The following AP3S1 variants were observed in gnomAD, a reference collection of about 807,000 sequenced individuals.
The protein encoded by AP3S1 is adaptor related protein complex 3 subunit sigma 1, also known as AP-3 complex subunit sigma-1.
In AP3S1, 12 loss-of-function variants were observed where a neutral mutation model predicts 21.3. The ratio of observed to expected loss-of-function variants is 0.56; its 90% CI spans 0.36 to 0.91. The LOEUF (loss-of-function observed/expected upper bound fraction) is 0.91. Among genes scored for constraint, AP3S1 ranks in the 40% least tolerant of loss-of-function variants. The pLI is 0.01. For synonymous variants in AP3S1, 48 were observed against 78.4 expected (o/e 0.61, Z 2.05); for missense variants, 116 against 225.0 (o/e 0.52, Z 3.10).
chr5:115,908,764 A>G (rs1231256808), intron 5 of AP3S1, among the ~76,000 whole-genome samples: 1 of 152,186 alleles, frequency 6.6e-6, no homozygotes, highest in Admixed American at 6.6e-5. Flanking sequence ...TTATAATTGC[A>G]GTATTAAAGC....
intron 3 of AP3S1, among the ~76,000 whole-genome samples, chr5:115,871,566 CT>C (rs1294469478): frequency 6.6e-6 from 1 of 152,010 alleles, no homozygotes; most frequent in Non-Finnish European, 1.5e-5. Context: ...TTTTTTCACT[CT>C]GATTTTACTG....
chr5:115,858,903 C>T (rs1762976313), intron 1 of AP3S1, among the ~76,000 whole-genome samples: 1 of 149,180 alleles, frequency 6.7e-6, no homozygotes, highest in Admixed American at 6.7e-5. Context: ...GCTTTTTCCC[C>T]TATTTTATGT....
chr5:115,909,912 C>T (rs1259029686), intron 5 of AP3S1, among the ~76,000 whole-genome samples: 2 of 151,996 alleles, frequency 1.3e-5, no homozygotes, highest in African/African-American at 2.4e-5. Flanking sequence ...AAAATAGGCA[C>T]GGTAAGAGAT....
chr5:115,880,810 T>C (rs1749211023), intron 3 of AP3S1, among the ~76,000 whole-genome samples: 1 of 152,132 alleles, frequency 6.6e-6, no homozygotes, highest in South Asian at 2.1e-4. Flanking sequence ...TGTTAAACTC[T>C]CCCACTATTA....
chr5:115,843,285 C>G (rs1761785213), intron 1 of AP3S1, among the ~76,000 whole-genome samples: 1 of 152,230 alleles, frequency 6.6e-6, no homozygotes, highest in African/African-American at 2.4e-5. Context: ...GGAAATCAAT[C>G]TTGCCATTAC....
chr5:115,900,260 A>G (rs532575768), intron 4 of AP3S1, among the ~76,000 whole-genome samples: 18 of 152,322 alleles, frequency 1.2e-4, no homozygotes, highest in African/African-American at 4.3e-4. Context: ...ACCAAAAAAG[A>G]TCATTTAAGT....
chr5:115,895,080 T>C lies in AP3S1; in HGVS notation c.274-7T>C, dbSNP rs576994242. ...CAGTTCTTAAAACCTTTTTTCTTTT[T>C]CCATAGGTATTTGTGGAAACATTAG... On this transcript the variant is annotated splice_polypyrimidine_tract_variant and splice_region_variant and intron_variant, in intron 3 of 5. Transcript: ENST00000316788. 1.3e-6 allele frequency: 2 copies of C among 1,587,928 alleles called. No individual in the cohort carries two copies. The highest frequency in any genetic ancestry group is 4.5e-5 in the East Asian group (2 of 44,332).
chr5:115,907,287 A>C (rs1468886739), intron 5 of AP3S1, among the ~76,000 whole-genome samples: 1 of 152,174 alleles, frequency 6.6e-6, no homozygotes, highest in Non-Finnish European at 1.5e-5. Context: ...TCTAACATAA[A>C]ATTGCCTGCT....
intron 5 of AP3S1, among the ~76,000 whole-genome samples, chr5:115,907,601 TG>T (rs1329792754): frequency 9.0e-4 from 137 of 152,286 alleles, no homozygotes; most frequent in African/African-American, 3.2e-3. Context: ...GGGTTTTCAT[TG>T]TAGCAAACCT....
At chr5:115,842,243 C>T in intron 1 of AP3S1, 137 bp downstream of exon 1, 1 of 1,318,114 alleles carries the variant, frequency 7.6e-7, no homozygotes, top group East Asian at 3.0e-5. Context: ...CGCTCGCCAG[C>T]TGTCAGCCTC....
chr5:115,884,843 T>C (rs1749640446), intron 3 of AP3S1, among the ~76,000 whole-genome samples: 1 of 152,200 alleles, frequency 6.6e-6, no homozygotes, highest in African/African-American at 2.4e-5. Flanking sequence ...TTTCTGAGGT[T>C]ATTACATGTT....
At chr5:115,884,426 A>T (rs1304614343) in intron 3 of AP3S1, among the ~76,000 whole-genome samples, 2 of 152,134 alleles carry the variant, frequency 1.3e-5, no homozygotes, top group African/African-American at 4.8e-5. Context: ...TTAGCCGGGC[A>T]TGGTGGTGCG....
chr5:115,867,551 A>T (rs1747800197), intron 2 of AP3S1, among the ~76,000 whole-genome samples: 1 of 152,162 alleles, frequency 6.6e-6, no homozygotes, highest in Admixed American at 6.5e-5. Flanking sequence ...ATAACAGGGA[A>T]TCCATGGTCA....
At chr5:115,843,722 G>T (rs1310844733) in intron 1 of AP3S1, among the ~76,000 whole-genome samples, 3 of 152,202 alleles carry the variant, frequency 2.0e-5, no homozygotes, top group African/African-American at 7.2e-5. Context: ...ATTAAAAATA[G>T]TGGGTTTCCT....
chr5:115,854,260 G>A lies in AP3S1; in HGVS notation c.69+12154G>A, dbSNP rs573589240. Among the ~76,000 whole-genome samples, 5 of 152,278 alleles carry A rather than the reference G, an allele frequency of 3.3e-5. No individual in the cohort carries two copies. The South Asian group carries it at 1.0e-3, about 32-fold the overall frequency. ...AATTTCCAACACATGAACTTTGGGG[G>A]AGACATTCAAACCAAAGCAGAATGG... is the stretch of plus-strand genomic sequence containing the variant. On this transcript the variant is annotated intron_variant, in intron 1 of 5. Transcript: ENST00000316788.
intron 3 of AP3S1, among the ~76,000 whole-genome samples, chr5:115,872,359 A>G (rs996553352): frequency 6.6e-6 from 1 of 152,188 alleles, no homozygotes; most frequent in Non-Finnish European, 1.5e-5. Context: ...TGTATGCCAT[A>G]TTACTCTTAA....
rs140467316 is a variant in AP3S1, at chr5:115,843,646, A to G, written c.69+1540A>G. Among the ~76,000 whole-genome samples the G allele has an allele frequency of 5.2e-3, 796 of 152,328 alleles. 4 individuals carry two copies. The highest frequency in any genetic ancestry group is 0.019 in the African/African-American group (775 of 41,568). ...GCCAGTGTCATCCATTTGCAGTGTA[A>G]AAAAGGTATGTTGCAATAGTAAAAC... On this transcript the variant is annotated intron_variant, in intron 1 of 5. Transcript: ENST00000316788.
chr5:115,857,865 G>A (rs1359751555), intron 1 of AP3S1, among the ~76,000 whole-genome samples: 1 of 152,206 alleles, frequency 6.6e-6, no homozygotes, highest in Non-Finnish European at 1.5e-5. Context: ...ATCTTCAGCT[G>A]AGCCATGTTG....
chr5:115,879,156 G>A (rs187344939), intron 3 of AP3S1, among the ~76,000 whole-genome samples: 4 of 152,270 alleles, frequency 2.6e-5, no homozygotes, highest in African/African-American at 9.6e-5. Flanking sequence ...GAGACAGTTT[G>A]ACTTTCTCTC....
Sources: allele counts gnomAD v4.1 joint callset (sites outside exome capture counted in the v4.1 genomes callset), GRCh38; gene constraint gnomAD v4.1.1; transcripts MANE v1.5; gene names NCBI Gene and HGNC (gene_info 2026-07-23, HGNC 2026-07-21).